RBFOX1: variants seen among roughly 807,000 people sequenced by gnomAD.
RBFOX1 encodes the protein RNA binding protein fox-1 homolog 1.
Under a neutral mutation model 57.7 loss-of-function variants are expected in RBFOX1, and 8 were observed. That is an observed-to-expected ratio of 0.14 (90% CI 0.08 to 0.25). RBFOX1 has a LOEUF of 0.25. RBFOX1 is among the 10% of genes least tolerant of loss of function. RBFOX1 has a pLI of 1.00. For synonymous variants in RBFOX1, 326 were observed against 222.4 expected (o/e 1.47, Z -4.15); for missense variants, 611 against 548.5 (o/e 1.11, Z -1.14).
intron 4 of RBFOX1, among the ~76,000 whole-genome samples, chr16:5,938,542 A>G (rs1461624805): frequency 6.6e-6 from 1 of 152,212 alleles, no homozygotes; most frequent in Non-Finnish European, 1.5e-5. Flanking sequence ...GGGAAACTCT[A>G]CAACCTATTT....
At chr16:6,762,240 G>T (rs1178662755) in intron 3 of RBFOX1, among the ~76,000 whole-genome samples, 1 of 152,172 alleles carries the variant, frequency 6.6e-6, no homozygotes, top group Non-Finnish European at 1.5e-5. Context: ...AATCTATTAT[G>T]TAGAGAGTGA....
intron 3 of RBFOX1, among the ~76,000 whole-genome samples, chr16:5,622,376 C>T (rs1254095975): frequency 1.3e-5 from 2 of 152,152 alleles, no homozygotes; most frequent in Non-Finnish European, 2.9e-5. Context: ...ATGTAGGTTC[C>T]ATGGGGTAAG....
intron 3 of RBFOX1, among the ~76,000 whole-genome samples, chr16:7,039,738 A>C (rs1366217815): frequency 6.6e-6 from 1 of 152,298 alleles, no homozygotes; most frequent in East Asian, 1.9e-4. Flanking sequence ...TATGATTACA[A>C]CCATACGTCG....
intron 3 of RBFOX1, among the ~76,000 whole-genome samples, chr16:5,724,506 G>T (rs1013832670): frequency 1.3e-5 from 2 of 152,104 alleles, no homozygotes; most frequent in African/African-American, 4.8e-5. Flanking sequence ...TTTGAACCCA[G>T]GACCCATTAC....
chr16:7,074,358 G>A (rs570078637), intron 4 of RBFOX1, among the ~76,000 whole-genome samples: 3 of 152,206 alleles, frequency 2.0e-5, no homozygotes, highest in South Asian at 2.1e-4. Context: ...AAGTAATTAC[G>A]GCTTTTGCCA....
chr16:5,400,373 G>C (rs948023741), intron 1 of RBFOX1, among the ~76,000 whole-genome samples: 3 of 152,070 alleles, frequency 2.0e-5, no homozygotes, highest in Non-Finnish European at 4.4e-5. Flanking sequence ...GGTTACAGGC[G>C]TGAGCCACCA....
chr16:7,546,036 A>T (rs1288404886), intron 5 of RBFOX1, among the ~76,000 whole-genome samples: 1 of 151,864 alleles, frequency 6.6e-6, no homozygotes, highest in Middle Eastern at 3.2e-3. Context: ...AAAAAGAAAA[A>T]GAAAATCAGG....
At chr16:6,372,229 G>C (rs112198189) in intron 2 of RBFOX1, among the ~76,000 whole-genome samples, 248 of 152,054 alleles carry the variant, frequency 1.6e-3, no homozygotes, top group African/African-American at 5.5e-3. Context: ...AGGATCTTTG[G>C]GTAGGAGTAT....
intron 3 of RBFOX1, among the ~76,000 whole-genome samples, chr16:6,786,198 C>T (rs561257093): frequency 6.6e-6 from 1 of 152,174 alleles, no homozygotes; most frequent in Non-Finnish European, 1.5e-5. Flanking sequence ...ACTCCTCATT[C>T]CTTGGGGAGG....
rs56678526 is a variant in RBFOX1 at position 6,866,541 on chromosome 16, A to ATTTTTTTTTTTTTTTTTTTTTT, written c.-15-185498_-15-185497insTTTTTTTTTTTTTTTTTTTTTT. On this transcript the variant is annotated intron_variant, in intron 3 of 15. Coordinates refer to ENST00000550418, the MANE Select transcript of RBFOX1 (RefSeq NM_018723.4). Reference sequence around the variant, plus strand: ...TAAGGTTAGGGCTTTCTTTCCTTCTATTTTTTTTTTTTTTTTTTGAGTTGG... The same window carrying ATTTTTTTTTTTTTTTTTTTTTT: ...TAAGGTTAGGGCTTTCTTTCCTTCTATTTTTTTTTTTTTTTTTTTTTTTTTTTTTTTTTTTTTTTTGAGTTGG... 3.8e-5 allele frequency among the ~76,000 whole-genome samples: 3 copies of ATTTTTTTTTTTTTTTTTTTTTT among 78,886 alleles called. 1 individual carries two copies. The highest frequency in any genetic ancestry group is 6.5e-5 in the Non-Finnish European group (3 of 45,954). The allele number at this position is 78,886 out of a possible 152,430, so 51.8% of individuals were successfully genotyped here.
chr16:5,270,993 T>C, intron 1 of RBFOX1: 1 of 312,716 alleles, frequency 3.2e-6, no homozygotes, highest in Non-Finnish European at 6.0e-6. Flanking sequence ...AAAGCCCTAT[T>C]TGTGAAAAAC....
intron 4 of RBFOX1, among the ~76,000 whole-genome samples, chr16:6,012,011 G>A (rs1596401369): frequency 1.3e-5 from 2 of 152,198 alleles, no homozygotes; most frequent in East Asian, 3.9e-4. Context: ...CTGTTCTGAG[G>A]AAGTCACCAC....
At chr16:7,019,738 A>C (rs2094111130) in intron 3 of RBFOX1, among the ~76,000 whole-genome samples, 1 of 152,204 alleles carries the variant, frequency 6.6e-6, no homozygotes, top group South Asian at 2.1e-4. Context: ...GGTTTCAAAC[A>C]CTGCATGTTT....
intron 5 of RBFOX1, among the ~76,000 whole-genome samples, chr16:7,541,386 C>T (rs1390979913): frequency 6.6e-6 from 1 of 152,168 alleles, no homozygotes; most frequent in African/African-American, 2.4e-5. Flanking sequence ...GAAGGAGCTC[C>T]ACTGATAGGA....
intron 4 of RBFOX1, among the ~76,000 whole-genome samples, chr16:5,935,962 G>A (rs189316140): frequency 3.2e-4 from 48 of 152,124 alleles, no homozygotes; most frequent in African/African-American, 1.0e-3. Flanking sequence ...CAGGGCCTTC[G>A]TTCTGTAAAC....
chr16:6,132,741 C>A (rs954636805), intron 1 of RBFOX1, among the ~76,000 whole-genome samples: 1 of 152,072 alleles, frequency 6.6e-6, no homozygotes, highest in Non-Finnish European at 1.5e-5. Flanking sequence ...TATATCCCAG[C>A]ACTTTGGGAG....
At chr16:6,586,397 G>A (rs1326593323) in intron 2 of RBFOX1, among the ~76,000 whole-genome samples, 9 of 152,130 alleles carry the variant, frequency 5.9e-5, no homozygotes, top group Non-Finnish European at 8.8e-5. Context: ...TCTCCAGTGC[G>A]TCTTAATTTT....
chr16:5,964,419 G>C (rs1286566014), intron 4 of RBFOX1, among the ~76,000 whole-genome samples: 1 of 152,114 alleles, frequency 6.6e-6, no homozygotes, highest in Non-Finnish European at 1.5e-5. Context: ...GAAATAAAGA[G>C]AGGACTGCAC....
At chr16:7,439,951 T>C (rs79638513) in intron 4 of RBFOX1, among the ~76,000 whole-genome samples, 2 of 66,112 alleles carry the variant, frequency 3.0e-5, no homozygotes, top group Non-Finnish European at 4.8e-5. Flanking sequence ...TTTTCTTTCT[T>C]TTTTTTTTTT....
Sources: allele counts gnomAD v4.1 joint callset (sites outside exome capture counted in the v4.1 genomes callset), GRCh38; gene constraint gnomAD v4.1.1; transcripts MANE v1.5; gene names NCBI Gene and HGNC (gene_info 2026-07-23, HGNC 2026-07-21).